The following CFAP54 variants were observed in gnomAD, a reference collection of about 807,000 sequenced individuals.
CFAP54 encodes cilia- and flagella-associated protein 54.
CFAP54 carries 290 observed loss-of-function variants against 370.4 expected under a neutral mutation model. The ratio of observed to expected loss-of-function variants is 0.78; its 90% confidence interval spans 0.71 to 0.86. The LOEUF (loss-of-function observed/expected upper bound fraction) is 0.86, where lower values mean the gene tolerates loss of function less well. CFAP54 is among the 40% of genes least tolerant of loss of function. The pLI is 0.00. For missense variants in CFAP54, 3,399 were observed against 3,528.7 expected (o/e 0.96, Z 0.93); for synonymous variants, 1,206 against 1,236.5 (o/e 0.98, Z 0.52).
At chr12:96,826,885 ATAT>A (rs1234879185) in intron 65 of CFAP54, among the ~76,000 whole-genome samples, 262 of 120,910 alleles carry the variant, frequency 2.2e-3, no homozygotes, top group African/African-American at 6.9e-3. Flanking sequence ...ATATTATATA[ATAT>A]TATATGATAT....
Position 96,651,778 on chromosome 12 carries a change from A to C in CFAP54, c.5063A>C (p.Asp1688Ala). 1 of 1,609,636 alleles carries C rather than the reference A, an allele frequency of 6.2e-7. No homozygotes were observed. Among genetic ancestry groups the C allele is most frequent in the Non-Finnish European group, 8.5e-7 (1 of 1,175,938 alleles). The change falls in exon 36 of 68, where the codon GAC (aspartate) becomes GCC (alanine). Residue 1688 changes from aspartate (D) to alanine (A), a missense_variant. Asp to Ala is a moderately radical substitution (Grantham distance 126, BLOSUM62 -2). Coordinates refer to ENST00000524981, the MANE Select transcript of CFAP54 (RefSeq NM_001306084.2). ...TATTTGGGAGCAGAATTACTTATTG[A>C]CATGTTAATACAACTACAAAATACC... The part of the protein sequence containing the change: ...PFYLGAELLI[D>A]MLIQLQNTSS...
chr12:96,698,738 A>C (rs377080532), intron 45 of CFAP54, among the ~76,000 whole-genome samples: 1 of 152,216 alleles, frequency 6.6e-6, no homozygotes, highest in East Asian at 1.9e-4. Flanking sequence ...TATACTTGTC[A>C]CCAGTAGAGG....
At chr12:96,824,498 T>C (rs1056436957) in intron 65 of CFAP54, among the ~76,000 whole-genome samples, 1 of 152,142 alleles carries the variant, frequency 6.6e-6, no homozygotes, top group African/African-American at 2.4e-5. Context: ...AAATCTTTTA[T>C]TTAGACAGAA....
At chr12:96,866,988 C>T (rs1960022043) in intron 67 of CFAP54, among the ~76,000 whole-genome samples, 1 of 152,014 alleles carries the variant, frequency 6.6e-6, no homozygotes, top group Non-Finnish European at 1.5e-5. Flanking sequence ...AATGTTTAGG[C>T]CTGCTGGGGT....
Position 96,626,857 on chromosome 12 carries a change from CA to C in CFAP54, c.4023del (p.Val1342LeufsTer3). ...ACCAAGATTTCTGGAATTCTTTACA[CA>C]AGTTATGCTAAAATGCATGAATGAG... ...QKPRFLEFFTQVMLKCMNEEK... is the reference protein window; with the variant it reads ...QKPRFLEFFTXVMLKCMNEEK... On this transcript the variant is annotated frameshift_variant, in exon 30 of 68. Coordinates refer to ENST00000524981, the MANE Select transcript of CFAP54 (RefSeq NM_001306084.2). LOFTEE classifies it high-confidence loss of function. 7.1e-7 allele frequency: 1 copy of C among 1,416,812 alleles called. No homozygotes were observed. Among genetic ancestry groups the C allele is most frequent in the Non-Finnish European group, 9.3e-7 (1 of 1,072,510 alleles). 87.8% of individuals were successfully genotyped at this position (1,416,812 alleles called of 1,614,324 possible).
rs145500038 is a variant in CFAP54 at position 96,680,922 on chromosome 12, A to G, written c.5716+1170A>G. The stretch of plus-strand genomic sequence containing the variant: ...AACATAGTGAAACCCTGTCTCTACT[A>G]AAAATACAAAAATTAACCGGTGTGG... On this transcript the variant is annotated intron_variant, in intron 40 of 67. Transcript: ENST00000524981. Among the ~76,000 whole-genome samples the G allele has an allele frequency of 3.0e-4, 45 of 152,284 alleles. No individual in the cohort carries two copies. In the East Asian group the frequency reaches 8.7e-3, roughly 29 times the overall value.
At chr12:96,668,460 G>A (rs1041960672) in intron 39 of CFAP54, among the ~76,000 whole-genome samples, 1 of 152,194 alleles carries the variant, frequency 6.6e-6, no homozygotes, top group Non-Finnish European at 1.5e-5. Context: ...TATGGTGGCA[G>A]GCAAGAGAGT....
At chr12:96,541,078 T>G in intron 14 of CFAP54, 91 bp downstream of exon 14, 1 of 728,422 alleles carries the variant, frequency 1.4e-6, no homozygotes, top group South Asian at 3.8e-5. Flanking sequence ...TAATGGAAAC[T>G]AGGCACTTCA....
At chr12:96,829,314 T>A (rs1959162019) in intron 66 of CFAP54, among the ~76,000 whole-genome samples, 1 of 152,264 alleles carries the variant, frequency 6.6e-6, no homozygotes, top group African/African-American at 2.4e-5. Flanking sequence ...GGGTAATTTT[T>A]AAAGTCACCT....
intron 50 of CFAP54, among the ~76,000 whole-genome samples, chr12:96,724,903 T>G (rs1381929647): frequency 2.0e-5 from 3 of 152,160 alleles, no homozygotes; most frequent in Non-Finnish European, 4.4e-5. Flanking sequence ...TAGCTAGCCA[T>G]TTTTCCCAGC....
intron 60 of CFAP54, 22 bp from the exon 61 acceptor site, chr12:96,784,693 CAA>C: frequency 1.4e-6 from 2 of 1,463,566 alleles, no homozygotes; most frequent in Middle Eastern, 1.7e-4. Flanking sequence ...TATTGTATTA[CAA>C]AAAAAAGTTT....
At chr12:96,753,924 A>G (rs1465506636) in intron 56 of CFAP54, 26 bp downstream of exon 56, 46 of 1,595,022 alleles carry the variant, frequency 2.9e-5, no homozygotes, top group Non-Finnish European at 3.7e-5. Flanking sequence ...GGTCAGAACT[A>G]TGATAAAATT....
intron 48 of CFAP54, among the ~76,000 whole-genome samples, chr12:96,713,259 A>G (rs1957634415): frequency 6.6e-6 from 1 of 152,232 alleles, no homozygotes; most frequent in South Asian, 2.1e-4. Flanking sequence ...ACTGCTAACA[A>G]TAGCCAAGAT....
At chr12:96,666,297 C>T (rs1281642995) in intron 39 of CFAP54, among the ~76,000 whole-genome samples, 2 of 152,062 alleles carry the variant, frequency 1.3e-5, no homozygotes, top group Non-Finnish European at 2.9e-5. Context: ...ATAGATTATT[C>T]TATTAGTTTT....
chr12:96,707,250 G>A (rs1393570123), intron 47 of CFAP54, among the ~76,000 whole-genome samples: 1 of 141,238 alleles, frequency 7.1e-6, no homozygotes, highest in Non-Finnish European at 1.6e-5. Flanking sequence ...AATACACTGA[G>A]TCTTTAACTT....
At chr12:96,809,321 G>A (rs1958909450) in intron 63 of CFAP54, among the ~76,000 whole-genome samples, 1 of 151,888 alleles carries the variant, frequency 6.6e-6, no homozygotes, top group Non-Finnish European at 1.5e-5. Context: ...TGAACCAATT[G>A]GATTAAGTGT....
intron 19 of CFAP54, among the ~76,000 whole-genome samples, chr12:96,566,199 C>A (rs1007124863): frequency 6.6e-5 from 10 of 152,182 alleles, no homozygotes; most frequent in African/African-American, 2.4e-4. Context: ...AACTAATACA[C>A]CTTCTTACCT....
intron 14 of CFAP54, among the ~76,000 whole-genome samples, chr12:96,547,212 G>A (rs1384285126): frequency 4.6e-5 from 7 of 151,826 alleles, no homozygotes; most frequent in Non-Finnish European, 8.8e-5. Flanking sequence ...TTGAGATGAA[G>A]TCTCACTCTG....
intron 66 of CFAP54, among the ~76,000 whole-genome samples, chr12:96,840,654 A>G (rs1378106586): frequency 7.0e-6 from 1 of 142,992 alleles, no homozygotes; most frequent in East Asian, 2.0e-4. Flanking sequence ...AAACCAAGAC[A>G]TGTCTGAATA....
Sources: allele counts gnomAD v4.1 joint callset (sites outside exome capture counted in the v4.1 genomes callset), GRCh38; gene constraint gnomAD v4.1.1; transcripts MANE v1.5; gene names NCBI Gene and HGNC (gene_info 2026-07-23, HGNC 2026-07-21).